The following WDR27 variants were observed in gnomAD, a reference collection of about 807,000 sequenced individuals.
WDR27 encodes WD repeat-containing protein 27.
WDR27 carries 100 observed loss-of-function variants against 114.4 expected under a neutral mutation model. The ratio of observed to expected loss-of-function variants is 0.87; its 90% CI spans 0.74 to 1.03. The LOEUF (loss-of-function observed/expected upper bound fraction) is 1.03. Among genes scored for constraint, WDR27 ranks in the 50% least tolerant of loss-of-function variants. The probability of loss-of-function intolerance (pLI) is 0.00; values close to 1 mark genes in which losing one functional copy is unlikely to be tolerated. For synonymous variants in WDR27, 449 were observed against 423.1 expected (o/e 1.06, Z -0.75); for missense variants, 1,129 against 1,092.9 (o/e 1.03, Z -0.47).
At chr6:169,427,385 C>T in the WDR27 span, among the ~76,000 whole-genome samples, 1 of 152,192 alleles carries the variant, frequency 6.6e-6, no homozygotes, top group African/African-American at 2.4e-5. Context: ...TGTCCTTAAA[C>T]CTGTGCACTC....
chr6:169,567,111 C>T (rs1800626024), intron 25 of WDR27, among the ~76,000 whole-genome samples: 2 of 152,158 alleles, frequency 1.3e-5, no homozygotes, highest in Admixed American at 1.3e-4. Flanking sequence ...GTCTGGGGGA[C>T]CTTTGGAAAT....
At chr6:169,685,949 C>T (rs902008083) in intron 2 of WDR27, among the ~76,000 whole-genome samples, 1 of 152,122 alleles carries the variant, frequency 6.6e-6, no homozygotes, top group African/African-American at 2.4e-5. Flanking sequence ...ATTAAAGCAG[C>T]AAAAGCATCA....
intron 18 of WDR27, among the ~76,000 whole-genome samples, chr6:169,637,877 T>G (rs925888034): frequency 1.3e-5 from 2 of 152,100 alleles, no homozygotes; most frequent in Non-Finnish European, 2.9e-5. Flanking sequence ...AGTATGTAAG[T>G]GTGCGTATGT....
At chr6:169,549,674 C>T (rs1329689903) in intron 25 of WDR27, among the ~76,000 whole-genome samples, 1 of 152,164 alleles carries the variant, frequency 6.6e-6, no homozygotes. Flanking sequence ...ATCCAGATGA[C>T]AGAGTGTGAT....
chr6:169,511,064 CAATT>C (rs1792781647), intron 25 of WDR27, among the ~76,000 whole-genome samples: 1 of 152,208 alleles, frequency 6.6e-6, no homozygotes, highest in Non-Finnish European at 1.5e-5. Context: ...TTCCCACACA[CAATT>C]AAAGCAGAAA....
At chr6:169,639,595 G>A (rs1818647212) in intron 17 of WDR27, among the ~76,000 whole-genome samples, 1 of 152,186 alleles carries the variant, frequency 6.6e-6, no homozygotes, top group Admixed American at 6.5e-5. Flanking sequence ...CGCCAATGCT[G>A]GTCTTCAGGT....
chr6:169,542,606 T>C (rs1368591458), intron 25 of WDR27, among the ~76,000 whole-genome samples: 2 of 152,208 alleles, frequency 1.3e-5, no homozygotes, highest in East Asian at 3.9e-4. Flanking sequence ...AAGTGAACTG[T>C]AGAGTAGATA....
At chr6:169,557,049 C>T (rs1657286551) in intron 25 of WDR27, among the ~76,000 whole-genome samples, 1 of 152,148 alleles carries the variant, frequency 6.6e-6, no homozygotes. Context: ...ACTCGTGTCT[C>T]TCGCAAGAGA....
At chr6:169,577,377 C>T (rs1802560017) in intron 24 of WDR27, among the ~76,000 whole-genome samples, 1 of 152,200 alleles carries the variant, frequency 6.6e-6, no homozygotes, top group African/African-American at 2.4e-5. Context: ...CATCTGCGAA[C>T]GGGCGGCCAC....
rs570549455 is a variant in WDR27, at chr6:169,458,988, A to G, written c.2646-1354T>C. On this transcript the variant is annotated intron_variant, in intron 25 of 25. Transcript: ENST00000448612. ...AAAAATCAAACCCAGGAGAAGGGGG[A>G]GAACTTTACTTCAGAATTATCACAA... Among the ~76,000 whole-genome samples, 70 of 152,302 alleles carry G rather than the reference A, an allele frequency of 4.6e-4. 2 individuals are homozygous for G. Among genetic ancestry groups the G allele is most frequent in the Admixed American group, 2.6e-4 (4 of 15,304 alleles).
chr6:169,641,073 C>G (rs967958141), intron 17 of WDR27, among the ~76,000 whole-genome samples: 1 of 152,244 alleles, frequency 6.6e-6, no homozygotes, highest in Non-Finnish European at 1.5e-5. Context: ...CCAAGGCCAG[C>G]AGAGGCACCG....
intron 13 of WDR27, 87 bp from the exon 14 acceptor site, chr6:169,652,095 C>A: frequency 8.6e-7 from 1 of 1,158,216 alleles, no homozygotes; most frequent in Non-Finnish European, 1.2e-6. Context: ...CTCTTCAAAA[C>A]AGAAACATTC....
chr6:169,544,609 A>G (rs1797230102), intron 25 of WDR27, among the ~76,000 whole-genome samples: 1 of 151,942 alleles, frequency 6.6e-6, no homozygotes, highest in African/African-American at 2.4e-5. Context: ...TAATTTTTGT[A>G]TTTTTATTAG....
In WDR27 at chr6:169,684,724, C is replaced by A. The variant is rs1782460352; in HGVS notation, c.189+4093G>T. Among the ~76,000 whole-genome samples the A allele has an allele frequency of 6.6e-6, 1 of 152,200 alleles. No homozygotes were observed. The highest frequency in any genetic ancestry group is 2.1e-4 in the South Asian group (1 of 4,828). ...GCAGCTGTGTGCCCACTTACAAAGC[C>A]TGAGAAACAGCTCTATGGGCCACCC... On this transcript the variant is annotated intron_variant, in intron 2 of 25. Transcript: ENST00000448612. This position sits in a 1 kb window ranked among gnomAD's most constrained non-coding sequence, Gnocchi z 4.3.
rs1193234340 is a variant in WDR27 at position 169,672,391 on chromosome 6, T to C, written c.195A>G (p.Leu65=). Residue 65 remains leucine, a synonymous_variant, in exon 3 of 26, where the codon CTA becomes CTG. Coordinates refer to ENST00000448612, the MANE Select transcript of WDR27 (RefSeq NM_182552.5). ...WNTKDPSHQL[L]ILRGHHQPIT... is the part of the protein sequence containing the mutation. ...TTGGCTGATGGTGTCCTCGTAGGAT[T>C]AGAAGCTGGGAAAATTAACAAAAAT... 10 of 1,593,982 alleles carry C rather than the reference T, an allele frequency of 6.3e-6. No individual in the cohort carries two copies. The highest frequency in any genetic ancestry group is 4.0e-5 in the African/African-American group (3 of 74,406).
chr6:169,579,795 G>C (rs1447837707), intron 24 of WDR27, among the ~76,000 whole-genome samples: 1 of 152,208 alleles, frequency 6.6e-6, no homozygotes, highest in Non-Finnish European at 1.5e-5. Flanking sequence ...CACTCTGCCT[G>C]TGCAGCTACC....
At chr6:169,646,747 CAAAA>C (rs201219275) in intron 16 of WDR27, among the ~76,000 whole-genome samples, 2 of 78,532 alleles carry the variant, frequency 2.5e-5, no homozygotes, top group Non-Finnish European at 5.4e-5. Flanking sequence ...GTCTCTGTCT[CAAAA>C]AAAAAAAAAA....
At chr6:169,656,437 A>G (rs1323448596) in intron 13 of WDR27, among the ~76,000 whole-genome samples, 2 of 151,990 alleles carry the variant, frequency 1.3e-5, no homozygotes, top group East Asian at 1.9e-4. Flanking sequence ...GGTTTATCTG[A>G]CTTCTGCTGC....
At chr6:169,686,662 C>A (rs1413414564) in intron 2 of WDR27, among the ~76,000 whole-genome samples, 1 of 151,996 alleles carries the variant, frequency 6.6e-6, no homozygotes, top group African/African-American at 2.4e-5. Context: ...TACAAAGAGA[C>A]AAGCAATACA....
Sources: gnomAD v4.1 joint callset for allele counts (sites outside exome capture counted in the v4.1 genomes callset) on GRCh38, gnomAD v4.1.1 for gene constraint, Gnocchi (gnomAD v3.1) non-coding constraint, MANE v1.5 for transcripts, NCBI Gene and HGNC (gene_info 2026-07-23, HGNC 2026-07-21) for gene names.